CDHR2: variants seen among roughly 807,000 people sequenced by gnomAD.
CDHR2 encodes cadherin-related family member 2.
A neutral mutation model predicts 138.6 loss-of-function variants in CDHR2; 104 were observed. The ratio of observed to expected loss-of-function variants is 0.75; its 90% CI spans 0.64 to 0.88. The LOEUF is 0.88. Ranked by LOEUF, CDHR2 falls within the 40% of genes least tolerant of loss-of-function variation. The probability of loss-of-function intolerance (pLI) is 0.00; values close to 1 mark genes in which losing one functional copy is unlikely to be tolerated. For synonymous variants in CDHR2, 755 were observed against 742.8 expected, an observed-to-expected ratio of 1.02 and a Z score of -0.27; for missense variants, 1,624 against 1,727.6, an observed-to-expected ratio of 0.94 and a Z score of 1.06.
chr5:176,544,345 CTTT>C (rs1757533322), upstream of CDHR2, among the ~76,000 whole-genome samples: 3 of 148,044 alleles, frequency 2.0e-5, no homozygotes, highest in East Asian at 6.0e-4. Flanking sequence ...TCCTTCCTTT[CTTT>C]TTTCTTTTCT....
Position 176,553,562 on chromosome 5 carries a change from C to T in CDHR2, c.-16+4148C>T, listed in dbSNP as rs1046008617. Among the ~76,000 whole-genome samples the T allele has an allele frequency of 6.6e-6, 1 of 152,146 alleles. No individual in the cohort carries two copies. Among genetic ancestry groups the T allele is most frequent in the Admixed American group, 6.5e-5 (1 of 15,288 alleles). ...GTTGACTCATTTCTGAAGGACAGAA[C>T]ATGAGAGAAAAAAGTGAGGAGGGAG... On this transcript the variant is annotated intron_variant, in intron 1 of 31. Coordinates refer to ENST00000261944, the MANE Select transcript of CDHR2 (RefSeq NM_017675.6). The surrounding 1 kb of genome is among the most constrained non-coding windows in gnomAD (Gnocchi z 4.3).
chr5:176,557,014 CTCTT>C (rs144413525), intron 1 of CDHR2, among the ~76,000 whole-genome samples: 56,265 of 82,778 alleles, frequency 0.68, 16,276 homozygotes, highest in Non-Finnish European at 0.74. Flanking sequence ...CTCTCTCTCT[CTCTT>C]TTTTTTTTTT....
rs749502897 is a variant in CDHR2, at chr5:176,578,111, G to A, written c.1574+16G>A. The A allele has an allele frequency of 1.2e-6, 2 of 1,607,590 alleles. No homozygotes were observed. Among genetic ancestry groups the A allele is most frequent in the African/African-American group, 1.3e-5 (1 of 74,796 alleles). ...CAGGAAATGGGTAAGGGCTCAGGGT[G>A]GGCCGTAGGCAGGTGGGTGAGCAGG... On this transcript the variant is annotated intron_variant, in intron 15 of 31. Transcript: ENST00000261944.
chr5:176,566,398 C>G (rs769972077), intron 3 of CDHR2, among the ~76,000 whole-genome samples: 2 of 152,172 alleles, frequency 1.3e-5, no homozygotes, highest in Non-Finnish European at 2.9e-5. Flanking sequence ...TGGAAGGAGC[C>G]AGGGGGCCTA....
upstream of CDHR2, among the ~76,000 whole-genome samples, chr5:176,545,339 C>T (rs961870586): frequency 1.3e-5 from 2 of 152,136 alleles, no homozygotes; most frequent in African/African-American, 4.8e-5. Flanking sequence ...CTACGTTTCA[C>T]CATGTTGGCC....
intron 12 of CDHR2, among the ~76,000 whole-genome samples, chr5:176,577,100 G>A (rs1171353840): frequency 4.0e-5 from 6 of 151,652 alleles, no homozygotes; most frequent in Non-Finnish European, 8.8e-5. Flanking sequence ...GGGGGCTGGG[G>A]GTGGGGGATG....
In CDHR2 at chr5:176,589,112, A is replaced by T. The variant is rs766694368; in HGVS notation, c.2938A>T (p.Thr980Ser). Residue 980 changes from threonine (T) to serine (S), a missense_variant, in exon 22 of 32, where the codon ACC becomes TCC. This residue lies in a region of CDHR2 where 556 missense variants were observed against 565.7 expected (regional missense o/e 0.98). Transcript: ENST00000261944. ...AGACTTCATCTCTAAGGACGGGGCCACCATCCCTTTCCAGGGTGTCTTCTC... is the reference window on the plus strand; with the variant it reads ...AGACTTCATCTCTAAGGACGGGGCCTCCATCCCTTTCCAGGGTGTCTTCTC... ...RVDFISKDGA[T>S]IPFQGVFSIF... The T allele has an allele frequency of 1.2e-6, 2 of 1,614,082 alleles. No homozygotes were observed. The highest frequency in any genetic ancestry group is 3.3e-5 in the Admixed American group (2 of 60,012).
At chr5:176,573,921 G>A (rs114719226) in intron 6 of CDHR2, among the ~76,000 whole-genome samples, 162 bp from the exon 7 acceptor site, 1,607 of 152,158 alleles carry the variant, frequency 0.011, 19 homozygotes, top group African/African-American at 0.036. Flanking sequence ...CTGCCGCCCC[G>A]CACCCCCAGG....
At chr5:176,578,781 T>A (rs1758464466) in intron 16 of CDHR2, among the ~76,000 whole-genome samples, 173 bp downstream of exon 16, 1 of 152,114 alleles carries the variant, frequency 6.6e-6, no homozygotes, top group Admixed American at 6.6e-5. Flanking sequence ...ACTCTCAGGG[T>A]CATTGGGGAA....
chr5:176,592,535 G>C (rs1284447632), intron 30 of CDHR2, among the ~76,000 whole-genome samples, 188 bp from the exon 31 acceptor site: 1 of 151,712 alleles, frequency 6.6e-6, no homozygotes, highest in Non-Finnish European at 1.5e-5. Context: ...TGGTGGTGTT[G>C]GTGTTGAGGT....
intron 12 of CDHR2, 46 bp from the exon 13 acceptor site, chr5:176,577,353 G>T: frequency 6.4e-7 from 1 of 1,568,404 alleles, no homozygotes; most frequent in Non-Finnish European, 8.7e-7. Context: ...GATGCAGGTG[G>T]GCAGAGCAGG....
intron 1 of CDHR2, among the ~76,000 whole-genome samples, chr5:176,550,848 T>C (rs1365342690): frequency 1.3e-5 from 2 of 152,010 alleles, no homozygotes; most frequent in African/African-American, 4.8e-5. Context: ...CTTGGCACCG[T>C]GGACTGCTCT....
chr5:176,570,304 C>T (rs1033100744), intron 5 of CDHR2, among the ~76,000 whole-genome samples: 5 of 152,176 alleles, frequency 3.3e-5, no homozygotes, highest in South Asian at 4.1e-4. Context: ...GCAAACAAAG[C>T]GAACGTGCAC....
At position 176,592,721 on chromosome 5, in the gene CDHR2, A is replaced by G. The variant is rs1210735453; in HGVS notation, c.3735-2A>G. 1.9e-6 allele frequency: 3 copies of G among 1,613,710 alleles called. No individual in the cohort carries two copies. Among genetic ancestry groups the G allele is most frequent in the South Asian group, 2.2e-5 (2 of 91,078 alleles). ...ACCTGAGCTCCATCACCTCTCTTAC[A>G]GCGTCAACTCCCTGGACGACAACTC... is the stretch of plus-strand genomic sequence containing the variant. On this transcript the variant is annotated splice_acceptor_variant, in intron 30 of 31. Transcript: ENST00000261944. LOFTEE classifies it high-confidence loss of function.
At chr5:176,565,274 A>C in intron 1 of CDHR2, 64 bp from the exon 2 acceptor site, 2 of 1,211,876 alleles carry the variant, frequency 1.7e-6, no homozygotes, top group Non-Finnish European at 2.5e-6. Context: ...ACCCAGGCAG[A>C]TGGGAGTCTG....
chr5:176,570,585 G>A (rs971120371), intron 5 of CDHR2, among the ~76,000 whole-genome samples: 7 of 152,306 alleles, frequency 4.6e-5, no homozygotes, highest in East Asian at 1.9e-4. Context: ...GGGCTCAAGC[G>A]ATCCTCCCAT....
chr5:176,586,904 CT>C, intron 21 of CDHR2, 62 bp downstream of exon 21: 2 of 1,390,612 alleles, frequency 1.4e-6, no homozygotes, highest in Non-Finnish European at 2.0e-6. Context: ...GGGCTGAGGC[CT>C]TCAGGCCTTC....
chr5:176,565,780 C>T (rs1214244058), intron 3 of CDHR2, 37 bp downstream of exon 3: 1 of 1,573,394 alleles, frequency 6.4e-7, no homozygotes, highest in Non-Finnish European at 8.7e-7. Flanking sequence ...CATGTCAGGT[C>T]CTGACCCACA....
intron 25 of CDHR2, 39 bp from the exon 26 acceptor site, chr5:176,590,214 G>T: frequency 6.2e-7 from 1 of 1,612,784 alleles, no homozygotes; most frequent in South Asian, 1.1e-5. Flanking sequence ...CCTGCTGGGT[G>T]ATCCAGGCTC....
Sources: allele counts gnomAD v4.1 joint callset (sites outside exome capture counted in the v4.1 genomes callset), GRCh38; gene constraint gnomAD v4.1.1; regional missense constraint gnomAD v4.1.1; non-coding constraint Gnocchi (gnomAD v3.1); transcripts MANE v1.5; gene names NCBI Gene and HGNC (gene_info 2026-07-23, HGNC 2026-07-21).